The following AKR1C8 variants were observed in gnomAD, a reference collection of about 807,000 sequenced individuals.
AKR1C8 encodes aldo-keto reductase family 1 member C-like protein 1.
chr10:5,170,481 C>T, the AKR1C8 span, among the ~76,000 whole-genome samples: 1 of 151,972 alleles, frequency 6.6e-6, no homozygotes, highest in African/African-American at 2.4e-5. Flanking sequence ...TTTGATGGAA[C>T]TTTGTTCCAT....
chr10:5,127,001 A>T, the AKR1C8 span, among the ~76,000 whole-genome samples: 1 of 152,200 alleles, frequency 6.6e-6, no homozygotes, highest in Non-Finnish European at 1.5e-5. Flanking sequence ...ATGAGAGGAC[A>T]TCAGAAAAGT....
chr10:5,170,561 G>A, the AKR1C8 span, among the ~76,000 whole-genome samples: 1 of 152,058 alleles, frequency 6.6e-6, no homozygotes, highest in Non-Finnish European at 1.5e-5. Flanking sequence ...AAATACCTAT[G>A]AGTTGGTGAA....
the AKR1C8 span, among the ~76,000 whole-genome samples, chr10:5,131,898 A>T: frequency 2.6e-5 from 4 of 152,186 alleles, no homozygotes; most frequent in Admixed American, 1.3e-4. Flanking sequence ...CGTGTATAGC[A>T]GTGCAATTCA....
the AKR1C8 span, among the ~76,000 whole-genome samples, chr10:5,130,721 A>T: frequency 6.6e-6 from 1 of 151,964 alleles, no homozygotes; most frequent in Non-Finnish European, 1.5e-5. Context: ...TATTTAATCA[A>T]AGAGATGAAA....
the AKR1C8 span, among the ~76,000 whole-genome samples, chr10:5,166,275 T>G: frequency 1.3e-5 from 2 of 151,804 alleles, no homozygotes; most frequent in Admixed American, 1.3e-4. Flanking sequence ...TTCACAGAAT[T>G]GGAAAAAACT....
At chr10:5,183,732 A>C in the AKR1C8 span, among the ~76,000 whole-genome samples, 1 of 151,964 alleles carries the variant, frequency 6.6e-6, no homozygotes, top group Non-Finnish European at 1.5e-5. Context: ...TCTTGGTAAA[A>C]CTCCTTTAAA....
chr10:5,124,628 T>C, the AKR1C8 span, among the ~76,000 whole-genome samples: 1 of 152,122 alleles, frequency 6.6e-6, no homozygotes, highest in African/African-American at 2.4e-5. Context: ...ACAATACAAT[T>C]GTAACAATTG....
At chr10:5,175,827 T>G in the AKR1C8 span, among the ~76,000 whole-genome samples, 1 of 152,138 alleles carries the variant, frequency 6.6e-6, no homozygotes, top group Non-Finnish European at 1.5e-5. Context: ...TGGGGTTGTT[T>G]GTTTTTTTCT....
At chr10:5,163,978 TCTC>T in the AKR1C8 span, among the ~76,000 whole-genome samples, 2,370 of 152,196 alleles carry the variant, frequency 0.016, 62 homozygotes, top group African/African-American at 0.054. Flanking sequence ...AGTAGTCTCT[TCTC>T]CTTTTGTGGA....
the AKR1C8 span, among the ~76,000 whole-genome samples, chr10:5,146,539 A>T: frequency 1.3e-5 from 2 of 152,192 alleles, no homozygotes; most frequent in African/African-American, 2.4e-5. Flanking sequence ...CTAATAGTTT[A>T]CAATATGAAC....
At chr10:5,158,822 T>C in the AKR1C8 span, 1 of 413,296 alleles carries the variant, frequency 2.4e-6, no homozygotes, top group African/African-American at 2.1e-5. Context: ...GTACTATACT[T>C]TTCATGTTGG....
At chr10:5,144,071 C>T in the AKR1C8 span, among the ~76,000 whole-genome samples, 1 of 152,110 alleles carries the variant, frequency 6.6e-6, no homozygotes, top group Non-Finnish European at 1.5e-5. Flanking sequence ...GAAAATTATT[C>T]AGTTTCAGCT....
At chr10:5,146,315 T>C in the AKR1C8 span, among the ~76,000 whole-genome samples, 93 of 151,970 alleles carry the variant, frequency 6.1e-4, no homozygotes, top group Non-Finnish European at 1.0e-3. Flanking sequence ...ACCTGCACAA[T>C]GTGCACATGT....
the AKR1C8 span, among the ~76,000 whole-genome samples, chr10:5,143,880 C>T: frequency 1.1e-4 from 17 of 151,832 alleles, no homozygotes; most frequent in South Asian, 3.5e-3. Context: ...GGAATGACCA[C>T]TCTAATCTAA....
the AKR1C8 span, chr10:5,123,594 G>A: frequency 5.2e-6 from 5 of 966,844 alleles, no homozygotes; most frequent in South Asian, 9.7e-5. Context: ...CGTCAGAAAT[G>A]CAAATTCTCA....
At chr10:5,145,646 A>C in the AKR1C8 span, among the ~76,000 whole-genome samples, 1 of 152,240 alleles carries the variant, frequency 6.6e-6, no homozygotes, top group African/African-American at 2.4e-5. Context: ...AACCACAGTG[A>C]GACACCATCT....
the AKR1C8 span, among the ~76,000 whole-genome samples, chr10:5,118,131 T>C: frequency 6.6e-5 from 10 of 152,214 alleles, no homozygotes; most frequent in African/African-American, 2.4e-4. Flanking sequence ...CTGCCAGTTA[T>C]GAGCCTATGA....
At chr10:5,176,829 G>C in the AKR1C8 span, among the ~76,000 whole-genome samples, 1 of 152,130 alleles carries the variant, frequency 6.6e-6, no homozygotes, top group Admixed American at 6.5e-5. Context: ...CATTGAGTTT[G>C]TATCCTGAGA....
the AKR1C8 span, among the ~76,000 whole-genome samples, chr10:5,180,531 T>G: frequency 0.016 from 2,363 of 152,330 alleles, 77 homozygotes; most frequent in African/African-American, 0.054. Flanking sequence ...CATTTAAGTC[T>G]GCAGAGGTTA....
Sources: allele counts gnomAD v4.1 joint callset (sites outside exome capture counted in the v4.1 genomes callset), GRCh38; gene constraint gnomAD v4.1.1; transcripts MANE v1.5; gene names NCBI Gene and HGNC (gene_info 2026-07-23, HGNC 2026-07-21).